The following TRMT44 variants were observed in gnomAD, a reference collection of about 807,000 sequenced individuals.
TRMT44 encodes the protein probable tRNA (uracil-O(2)-)-methyltransferase.
TRMT44 carries 78 observed loss-of-function variants against 77.3 expected under a neutral mutation model. The ratio of observed to expected loss-of-function variants is 1.01; its 90% CI spans 0.84 to 1.22. The LOEUF is 1.22. Among genes scored for constraint, TRMT44 ranks in the 50% most tolerant of loss-of-function variants. The probability of loss-of-function intolerance (pLI) is 0.00; values close to 1 mark genes in which losing one functional copy is unlikely to be tolerated. For missense variants in TRMT44, 1,090 were observed against 964.4 expected (o/e 1.13, Z -1.73); for synonymous variants, 391 against 383.3 (o/e 1.02, Z -0.23).
At chr4:8,501,596 A>G in the TRMT44 span, among the ~76,000 whole-genome samples, 2 of 152,192 alleles carry the variant, frequency 1.3e-5, no homozygotes, top group Non-Finnish European at 2.9e-5. This position sits in a 1 kb window ranked among gnomAD's most constrained non-coding sequence, Gnocchi z 4.4. Context: ...GCGATTTCAC[A>G]CAAGGGCCTT....
At chr4:8,515,251 G>A in the TRMT44 span, among the ~76,000 whole-genome samples, 6 of 152,220 alleles carry the variant, frequency 3.9e-5, no homozygotes, top group Non-Finnish European at 2.9e-5. Context: ...ACAGGTGTGA[G>A]CCAATGCACC....
chr4:8,453,187 C>G (rs935064239), intron 5 of TRMT44, among the ~76,000 whole-genome samples, 198 bp downstream of exon 5: 1 of 152,196 alleles, frequency 6.6e-6, no homozygotes, highest in African/African-American at 2.4e-5. Flanking sequence ...GTGGTGATCT[C>G]ATTGGACCTA....
At chr4:8,516,439 A>G in the TRMT44 span, among the ~76,000 whole-genome samples, 1 of 152,150 alleles carries the variant, frequency 6.6e-6, no homozygotes, top group African/African-American at 2.4e-5. Context: ...CCAATCAACA[A>G]GCCTAATTCT....
At chr4:8,459,843 A>T (rs1726039413) in intron 6 of TRMT44, among the ~76,000 whole-genome samples, 1 of 152,208 alleles carries the variant, frequency 6.6e-6, no homozygotes, top group Admixed American at 6.5e-5. Flanking sequence ...TGGGAGGCAG[A>T]CACACAGCCA....
chr4:8,496,647 G>A (rs1192222500), downstream of TRMT44, among the ~76,000 whole-genome samples: 2 of 152,214 alleles, frequency 1.3e-5, no homozygotes, highest in Non-Finnish European at 2.9e-5. Context: ...AGAGCTGTGT[G>A]ATTAATTAGA....
In TRMT44 at chr4:8,452,027, T is replaced by C. The variant is rs1560223679; in HGVS notation, c.1022T>C (p.Leu341Pro). ...YEDVAIAAYL[L>P]ILWEEERAER... ...GATGTGGCTATCGCAGCATACCTGCTGGTAAGGGTGTAAGCGACCTCAGCT... is the reference window on the plus strand; with the variant it reads ...GATGTGGCTATCGCAGCATACCTGCCGGTAAGGGTGTAAGCGACCTCAGCT... Residue 341 changes from leucine (L) to proline (P), a missense_variant and splice_region_variant, in exon 4 of 11, where the codon CTG becomes CCG. Leu to Pro is a moderately conservative substitution (Grantham distance 98, BLOSUM62 -3). Coordinates refer to ENST00000389737, the MANE Select transcript of TRMT44 (RefSeq NM_152544.3). The surrounding 1 kb of genome is among the most constrained non-coding windows in gnomAD (Gnocchi z 5.7). 1 of 1,536,500 alleles carries C rather than the reference T, an allele frequency of 6.5e-7. No individual in the cohort carries two copies. The highest frequency in any genetic ancestry group is 8.7e-7 in the Non-Finnish European group (1 of 1,146,836).
the TRMT44 span, chr4:8,509,008 C>T: frequency 1.3e-5 from 2 of 152,418 alleles, no homozygotes; most frequent in East Asian, 1.9e-4. Flanking sequence ...CCAGCCATCA[C>T]CCCTCTCTTG....
chr4:8,488,814 C>A (rs1352162436), intron 2 of TRMT44, among the ~76,000 whole-genome samples: 1 of 152,298 alleles, frequency 6.6e-6, no homozygotes, highest in South Asian at 2.1e-4. Flanking sequence ...ATAGCCCAGG[C>A]AAAGGACCTC....
In TRMT44 at chr4:8,465,551, C is replaced by T; in HGVS notation, c.1484C>T (p.Ser495Leu). ...HVDEDCLRIPSTKRVCLVGKS... is the reference protein window; with the variant it reads ...HVDEDCLRIPLTKRVCLVGKS... ...GACGAAGACTGCCTCAGGATTCCTT[C>T]AACCAAAAGAGTATGTCTGATTCTC... Residue 495 changes from serine to leucine, a missense_variant, in exon 8 of 11, where the codon TCA (serine) becomes TTA (leucine). By Grantham distance (145) the Ser-to-Leu change is moderately radical. Coordinates refer to ENST00000389737, the MANE Select transcript of TRMT44 (RefSeq NM_152544.3). The T allele has an allele frequency of 1.9e-6, 3 of 1,612,152 alleles. No individual in the cohort carries two copies. Among genetic ancestry groups the T allele is most frequent in the African/African-American group, 1.3e-5 (1 of 74,958 alleles).
the TRMT44 span, among the ~76,000 whole-genome samples, chr4:8,515,525 C>G: frequency 4.6e-5 from 7 of 152,250 alleles, no homozygotes; most frequent in Non-Finnish European, 5.9e-5. Context: ...GCAAGTGTCA[C>G]CAGGGGCAGG....
chr4:8,500,054 C>A, the TRMT44 span, among the ~76,000 whole-genome samples: 1 of 152,148 alleles, frequency 6.6e-6, no homozygotes, highest in Non-Finnish European at 1.5e-5. Context: ...CATAGCAAGA[C>A]CCTGTTTCTA....
chr4:8,460,764 G>T (rs1726101272), intron 6 of TRMT44, among the ~76,000 whole-genome samples: 1 of 152,150 alleles, frequency 6.6e-6, no homozygotes, highest in Admixed American at 6.5e-5. Flanking sequence ...ATGTTGGCCA[G>T]GCTGATCTGG....
At chr4:8,442,614 G>A (rs564735340) in intron 1 of TRMT44, among the ~76,000 whole-genome samples, 3 of 152,338 alleles carry the variant, frequency 2.0e-5, no homozygotes, top group Non-Finnish European at 1.5e-5. Context: ...CTGCCGGCTG[G>A]GCTCTTATTT....
intron 2 of TRMT44, among the ~76,000 whole-genome samples, chr4:8,485,732 G>T (rs1727782178): frequency 6.6e-6 from 1 of 152,144 alleles, no homozygotes; most frequent in African/African-American, 2.4e-5. Context: ...CAGATAATTT[G>T]GTTAAAATAT....
chr4:8,482,640 C>T (rs1727659512), intron 2 of TRMT44, among the ~76,000 whole-genome samples: 1 of 152,052 alleles, frequency 6.6e-6, no homozygotes, highest in African/African-American at 2.4e-5. Flanking sequence ...CAGGATGAGC[C>T]AGGAAAAGGA....
At position 8,451,124 on chromosome 4, in the gene TRMT44, A is replaced by G. The variant is rs1373365923; in HGVS notation, c.955-836A>G. On this transcript the variant is annotated intron_variant, in intron 3 of 10. Transcript: ENST00000389737. The surrounding 1 kb of genome is among the most constrained non-coding windows in gnomAD (Gnocchi z 4.1). ...CTGTAACAAAAGCACCCCAAAGGTC[A>G]CAGGCTTAAAGCTGTGACCTTTCAT... Among the ~76,000 whole-genome samples the G allele has an allele frequency of 6.6e-6, 1 of 152,088 alleles. No individual in the cohort carries two copies. Among genetic ancestry groups the G allele is most frequent in the Non-Finnish European group, 1.5e-5 (1 of 68,014 alleles).
chr4:8,476,094 G>A lies in TRMT44; in HGVS notation c.*93G>A, dbSNP rs1727367368. 5.8e-6 allele frequency: 7 copies of A among 1,196,680 alleles called. No homozygotes were observed. Among genetic ancestry groups the A allele is most frequent in the African/African-American group, 1.5e-5 (1 of 66,024 alleles). The allele number at this position is 1,196,680 out of a possible 1,614,324, so 74.1% of individuals were successfully genotyped here. A position where few individuals can be genotyped will look rare whatever the true frequency, so the allele number is the denominator to read the frequency against. The stretch of plus-strand genomic sequence containing the variant: ...CAGTGCTGTGGTCTCTGCTCTGGCT[G>A]TGTTTCAGCCCACCTCCTCCCAGCT... On this transcript the variant is annotated 3_prime_UTR_variant, in exon 11 of 11. Transcript: ENST00000389737.
intron 1 of TRMT44, among the ~76,000 whole-genome samples, chr4:8,443,943 G>T (rs941635914): frequency 1.3e-5 from 2 of 150,642 alleles, no homozygotes; most frequent in African/African-American, 4.9e-5. Context: ...CTGGGCAGCA[G>T]ACGGGGACTC....
chr4:8,481,486 C>G (rs1727611202), downstream of TRMT44, among the ~76,000 whole-genome samples: 2 of 152,198 alleles, frequency 1.3e-5, no homozygotes, highest in African/African-American at 4.8e-5. Context: ...GGGATCTACT[C>G]TCTTCGTCGA....
Sources: allele counts gnomAD v4.1 joint callset (sites outside exome capture counted in the v4.1 genomes callset), GRCh38; gene constraint gnomAD v4.1.1; non-coding constraint Gnocchi (gnomAD v3.1); transcripts MANE v1.5; gene names NCBI Gene and HGNC (gene_info 2026-07-23, HGNC 2026-07-21).